The following ACOT7 variants were observed in gnomAD, a reference collection of about 807,000 sequenced individuals.
The protein encoded by ACOT7 is acyl-CoA thioesterase 7.
ACOT7 carries 12 observed loss-of-function variants against 40.2 expected under a neutral mutation model. That is an observed-to-expected ratio of 0.30 (90% CI 0.19 to 0.48). ACOT7 has a LOEUF of 0.48. ACOT7 is among the 20% of genes least tolerant of loss of function. The pLI is 0.99. For missense variants in ACOT7, 395 were observed against 530.8 expected (o/e 0.74, Z 2.51); for synonymous variants, 228 against 219.5 (o/e 1.04, Z -0.34).
chr1:6,361,216 A>C (rs1641885599), intron 1 of ACOT7, among the ~76,000 whole-genome samples: 1 of 152,222 alleles, frequency 6.6e-6, no homozygotes, highest in African/African-American at 2.4e-5. Flanking sequence ...CCTGGGTGAA[A>C]GAAGTCAATC....
intron 1 of ACOT7, among the ~76,000 whole-genome samples, chr1:6,371,738 C>A (rs1642137549): frequency 6.6e-6 from 1 of 152,092 alleles, no homozygotes. Context: ...CAACAGAAAG[C>A]TGTTTCACCC....
intron 6 of ACOT7, among the ~76,000 whole-genome samples, chr1:6,315,090 G>A (rs1235279051): frequency 6.6e-6 from 1 of 152,194 alleles, no homozygotes; most frequent in African/African-American, 2.4e-5. Flanking sequence ...TTCTCCCTGT[G>A]ATTCCAGGCA....
chr1:6,372,966 C>T (rs954449870), intron 1 of ACOT7, among the ~76,000 whole-genome samples: 4 of 152,014 alleles, frequency 2.6e-5, no homozygotes, highest in African/African-American at 9.7e-5. Flanking sequence ...TGAGGGAGCT[C>T]ACGAAAAGGG....
chr1:6,375,397 G>A (rs1296264386), intron 1 of ACOT7, among the ~76,000 whole-genome samples: 2 of 152,088 alleles, frequency 1.3e-5, no homozygotes, highest in Non-Finnish European at 2.9e-5. Context: ...GCCAGGCGCG[G>A]TGACTCATGC....
At position 6,295,301 on chromosome 1, in the gene ACOT7, G is replaced by A. The variant is rs140073494; in HGVS notation, c.713-321C>T. The A allele has an allele frequency of 2.6e-3, 569 of 219,900 alleles. 2 individuals carry two copies. The highest frequency in any genetic ancestry group is 0.012 in the African/African-American group (530 of 43,800). 13.6% of individuals were successfully genotyped at this position (219,900 alleles called of 1,614,324 possible). A position where few individuals can be genotyped will look rare whatever the true frequency, so the allele number is the denominator to read the frequency against. On this transcript the variant is annotated intron_variant, in intron 6 of 8. Transcript: ENST00000361521. ...CAACTGGGATGGCTGCAATCCTGAAGTCACAGAACAGCACGTGCTGGCGAG... is the reference window on the plus strand; with the variant it reads ...CAACTGGGATGGCTGCAATCCTGAAATCACAGAACAGCACGTGCTGGCGAG...
intron 1 of ACOT7, among the ~76,000 whole-genome samples, chr1:6,382,783 A>T (rs1280938471): frequency 2.6e-5 from 4 of 151,892 alleles, no homozygotes; most frequent in Admixed American, 2.6e-4. Context: ...GCGCCCCAGA[A>T]GACAGAGTAA....
intron 1 of ACOT7, among the ~76,000 whole-genome samples, chr1:6,376,727 C>CAA (rs74829338): frequency 4.2e-5 from 4 of 94,660 alleles, no homozygotes; most frequent in Non-Finnish European, 4.6e-5. Context: ...AACTCCATCC[C>CAA]AAAAAAAAAA....
intron 1 of ACOT7, among the ~76,000 whole-genome samples, chr1:6,383,559 CA>C (rs144599542): frequency 0.13 from 18,620 of 147,184 alleles, 1,863 homozygotes; most frequent in African/African-American, 0.27. Context: ...TTTTGAGAGA[CA>C]AGAGTCTTGA....
At chr1:6,392,263 T>C (rs924262450) in intron 1 of ACOT7, among the ~76,000 whole-genome samples, 44 of 152,114 alleles carry the variant, frequency 2.9e-4, no homozygotes, top group African/African-American at 1.0e-3. Context: ...AGGAACCCAC[T>C]ACCAAAACAG....
rs139136544 is a variant in ACOT7, at chr1:6,269,905, TCCTC to T, written c.1015-5214_1015-5211del. ...TGCCCTCCCAAGGTGCGGGCGGCCT[TCCTC>T]CCTGAGTGCCCAGGGGCGCCCTTCC... On this transcript the variant is annotated intron_variant, in intron 8 of 8. Transcript: ENST00000361521. Among the ~76,000 whole-genome samples, 35 of 152,322 alleles carry T rather than the reference TCCTC, an allele frequency of 2.3e-4. No homozygotes were observed. The East Asian group carries it at 4.1e-3, about 18-fold the overall frequency.
intron 4 of ACOT7, among the ~76,000 whole-genome samples, chr1:6,331,630 C>T (rs78744020): frequency 6.6e-6 from 1 of 152,190 alleles, no homozygotes; most frequent in Non-Finnish European, 1.5e-5. Context: ...CGACCCTGAG[C>T]CCCCGCCCAC....
At chr1:6,390,397 C>A (rs370699578) in intron 1 of ACOT7, among the ~76,000 whole-genome samples, 1 of 151,104 alleles carries the variant, frequency 6.6e-6, no homozygotes, top group East Asian at 1.9e-4. Context: ...CATGGTGAAA[C>A]CCCATCTCTA....
At chr1:6,373,364 C>T (rs1258934780) in intron 1 of ACOT7, among the ~76,000 whole-genome samples, 1 of 152,140 alleles carries the variant, frequency 6.6e-6, no homozygotes, top group African/African-American at 2.4e-5. Context: ...GATTCTCCTG[C>T]CTCAGCTTCC....
intron 8 of ACOT7, 123 bp from the exon 9 acceptor site, chr1:6,264,818 G>A: frequency 1.0e-6 from 1 of 995,490 alleles, no homozygotes; most frequent in Non-Finnish European, 1.5e-6. Context: ...GGTGCATGCT[G>A]AGTACCACGC....
chr1:6,376,797 G>C (rs578244360), intron 1 of ACOT7, among the ~76,000 whole-genome samples: 32 of 151,514 alleles, frequency 2.1e-4, no homozygotes, highest in African/African-American at 7.5e-4. Context: ...TCGGGAGGCT[G>C]AGGCAGGAGA....
intron 7 of ACOT7, among the ~76,000 whole-genome samples, chr1:6,293,176 A>G (rs1434588912): frequency 1.3e-5 from 2 of 152,202 alleles, no homozygotes; most frequent in Admixed American, 6.5e-5. Context: ...GGCGTGAGCC[A>G]CAGCGCTCAG....
At position 6,274,588 on chromosome 1, in the gene ACOT7, G is replaced by A. The variant is rs1193608889; in HGVS notation, c.1014+6514C>T. ...ATAGGGCAGCAGCAGAAGCGAGGTG[G>A]GCACCATGTTCCAGAGCCTTCTGAA... On this transcript the variant is annotated intron_variant, in intron 8 of 8. Coordinates refer to ENST00000361521, the MANE Select transcript of ACOT7 (RefSeq NM_007274.4). This position sits in a 1 kb window ranked among gnomAD's most constrained non-coding sequence, Gnocchi z 5.9. 6.6e-6 allele frequency among the ~76,000 whole-genome samples: 1 copy of A among 152,234 alleles called. No homozygotes were observed. The highest frequency in any genetic ancestry group is 1.5e-5 in the Non-Finnish European group (1 of 68,032).
chr1:6,268,561 T>C (rs748849621), intron 8 of ACOT7, among the ~76,000 whole-genome samples: 18 of 152,220 alleles, frequency 1.2e-4, no homozygotes, highest in Non-Finnish European at 1.9e-4. Context: ...GTCTGGGCTG[T>C]GCACAGGCGC....
intron 1 of ACOT7, among the ~76,000 whole-genome samples, chr1:6,379,539 C>T (rs1022714454): frequency 3.3e-5 from 5 of 151,730 alleles, no homozygotes; most frequent in Admixed American, 6.6e-5. Context: ...ACTCACTTCA[C>T]TGCAGCCTTG....
Sources: gnomAD v4.1 joint callset for allele counts (sites outside exome capture counted in the v4.1 genomes callset) on GRCh38, gnomAD v4.1.1 for gene constraint, Gnocchi (gnomAD v3.1) non-coding constraint, MANE v1.5 for transcripts, NCBI Gene and HGNC (gene_info 2026-07-23, HGNC 2026-07-21) for gene names.